Variants in FXYD6 observed in about 807,000 individuals in gnomAD.
FXYD6 encodes FXYD domain containing ion transport regulator 6.
Under a neutral mutation model 16.7 loss-of-function variants are expected in FXYD6, and 7 were observed. The observed-to-expected ratio is 0.42, with a 90% confidence interval of 0.24 to 0.79. FXYD6 has a LOEUF of 0.79. Ranked by LOEUF, FXYD6 falls within the 30% of genes least tolerant of loss-of-function variation. The probability of loss-of-function intolerance (pLI) is 0.28; values close to 1 mark genes in which losing one functional copy is unlikely to be tolerated. For missense variants in FXYD6, 111 were observed against 116.2 expected (o/e 0.95, Z 0.21); for synonymous variants, 49 against 43.0 (o/e 1.14, Z -0.54).
intron 1 of FXYD6, among the ~76,000 whole-genome samples, chr11:117,875,984 G>T (rs1348125133): frequency 1.3e-5 from 2 of 152,184 alleles, no homozygotes; most frequent in Non-Finnish European, 2.9e-5. Flanking sequence ...CCCCGGAAAG[G>T]AAACAGGATT....
At chr11:117,871,281 T>C (rs1302873677) in intron 1 of FXYD6, among the ~76,000 whole-genome samples, 1 of 152,174 alleles carries the variant, frequency 6.6e-6, no homozygotes, top group Admixed American at 6.5e-5. Flanking sequence ...TGCACCGGCG[T>C]ATGGGAGACA....
intron 1 of FXYD6, among the ~76,000 whole-genome samples, chr11:117,850,597 C>T (rs2056586745): frequency 6.6e-6 from 1 of 152,058 alleles, no homozygotes; most frequent in South Asian, 2.1e-4. Flanking sequence ...CTGTTTTTTC[C>T]CTATGGGAAT....
At chr11:117,842,142 C>G in intron 2 of FXYD6, 114 bp from the exon 3 acceptor site, 1 of 1,518,238 alleles carries the variant, frequency 6.6e-7, no homozygotes, top group Non-Finnish European at 9.0e-7. Flanking sequence ...AGGAGCAGGG[C>G]CCATTAAACA....
At chr11:117,869,076 T>G (rs2057073954) in intron 1 of FXYD6, 1 of 152,214 alleles carries the variant, frequency 6.6e-6, no homozygotes, top group South Asian at 2.1e-4. Flanking sequence ...ATTTGCATTT[T>G]AAATGCCCAT....
At chr11:117,843,199 G>A (rs1384293611) in intron 1 of FXYD6, among the ~76,000 whole-genome samples, 4 of 152,126 alleles carry the variant, frequency 2.6e-5, no homozygotes, top group Non-Finnish European at 5.9e-5. Flanking sequence ...CCTCCCAAAG[G>A]GCTGGGATTA....
chr11:117,851,792 G>A (rs990434296), intron 1 of FXYD6, among the ~76,000 whole-genome samples: 36 of 152,216 alleles, frequency 2.4e-4, no homozygotes, highest in African/African-American at 8.4e-4. Flanking sequence ...ACCCTACGGC[G>A]ATCCCCAGTC....
chr11:117,859,254 G>A (rs976883680), intron 1 of FXYD6, among the ~76,000 whole-genome samples: 5 of 152,172 alleles, frequency 3.3e-5, no homozygotes, highest in Non-Finnish European at 7.3e-5. Context: ...AGCCACTGGC[G>A]GGCAAATGTG....
chr11:117,858,703 CT>C (rs1565323779), intron 1 of FXYD6, among the ~76,000 whole-genome samples: 111 of 95,228 alleles, frequency 1.2e-3, no homozygotes, highest in South Asian at 1.6e-3. Context: ...TTCTTTCTTT[CT>C]CTCTCTCTCT....
intron 1 of FXYD6, among the ~76,000 whole-genome samples, chr11:117,861,576 C>T (rs190498054): frequency 1.3e-5 from 2 of 152,324 alleles, no homozygotes; most frequent in African/African-American, 2.4e-5. Context: ...TGCAGCCTGG[C>T]GAATAGTAAC....
intron 1 of FXYD6, among the ~76,000 whole-genome samples, chr11:117,864,079 T>C (rs1012252531): frequency 2.0e-5 from 3 of 152,176 alleles, no homozygotes; most frequent in African/African-American, 7.2e-5. Flanking sequence ...GACATGTTTT[T>C]GTAGAAATAA....
chr11:117,858,701 T>TTCTCTCTCTC (rs201736623), intron 1 of FXYD6, among the ~76,000 whole-genome samples: 1 of 58,300 alleles, frequency 1.7e-5, no homozygotes, highest in African/African-American at 8.3e-5. Context: ...CTTTCTTTCT[T>TTCTCTCTCTC]TCTCTCTCTC....
chr11:117,838,354 A>G, intron 7 of FXYD6, 77 bp from the exon 8 acceptor site: 1 of 699,346 alleles, frequency 1.4e-6, no homozygotes, highest in Non-Finnish European at 2.6e-6. Context: ...CCCTTCCTTG[A>G]GCACCTGCCC....
chr11:117,840,344 C>CTGGG lies in FXYD6; in HGVS notation c.230_233dup (p.Gln78HisfsTer32). Reference sequence around the variant, plus strand: ...CATTGGCGGTGATGAGGTTCTCCACCTGGGCTTCCTCATCTCCTGGGGCCC... The same window carrying CTGGG: ...CATTGGCGGTGATGAGGTTCTCCACCTGGGTGGGCTTCCTCATCTCCTGGGGCCC... On this transcript the variant is annotated frameshift_variant, in exon 6 of 8. Transcript: ENST00000526014. LOFTEE classifies it high-confidence loss of function. 6.2e-7 allele frequency: 1 copy of CTGGG among 1,614,174 alleles called. No homozygotes were observed. The highest frequency in any genetic ancestry group is 8.5e-7 in the Non-Finnish European group (1 of 1,180,026).
intron 1 of FXYD6, among the ~76,000 whole-genome samples, chr11:117,855,848 G>C (rs1252130570): frequency 6.6e-6 from 1 of 152,148 alleles, no homozygotes; most frequent in East Asian, 1.9e-4. Context: ...TGGAGTGGGG[G>C]ACTCCCTGGC....
intron 1 of FXYD6, chr11:117,843,965 C>G (rs1478132303): frequency 2.0e-5 from 3 of 152,196 alleles, no homozygotes; most frequent in Admixed American, 6.5e-5. Flanking sequence ...GGTTAAGAGC[C>G]AGAGAGGAGA....
chr11:117,839,971 T>G (rs2056301273), intron 6 of FXYD6, 141 bp from the exon 7 acceptor site: 1 of 1,090,984 alleles, frequency 9.2e-7, no homozygotes, highest in African/African-American at 1.6e-5. Flanking sequence ...ACGATCTGGG[T>G]TCAATCCTGG....
intron 1 of FXYD6, among the ~76,000 whole-genome samples, chr11:117,848,230 T>C (rs1044564762): frequency 1.3e-5 from 2 of 152,214 alleles, no homozygotes; most frequent in African/African-American, 4.8e-5. Flanking sequence ...TTTCTAATGC[T>C]TTGAAAGTTC....
At chr11:117,854,100 C>A (rs2056669979) in intron 1 of FXYD6, among the ~76,000 whole-genome samples, 1 of 152,158 alleles carries the variant, frequency 6.6e-6, no homozygotes, top group Non-Finnish European at 1.5e-5. Flanking sequence ...CTTCCTAGCC[C>A]AAGTCCCATC....
intron 1 of FXYD6, among the ~76,000 whole-genome samples, chr11:117,874,458 C>T (rs1030199806): frequency 6.6e-6 from 1 of 152,172 alleles, no homozygotes; most frequent in African/African-American, 2.4e-5. Context: ...GAAAACGTGC[C>T]AGGAAGAGAG....
Sources: gnomAD v4.1 joint callset for allele counts (sites outside exome capture counted in the v4.1 genomes callset) on GRCh38, gnomAD v4.1.1 for gene constraint, MANE v1.5 for transcripts, NCBI Gene and HGNC (gene_info 2026-07-23, HGNC 2026-07-21) for gene names.